OSTN: variants seen among roughly 807,000 people sequenced by gnomAD.
OSTN encodes the protein osteocrin.
In OSTN, 9 loss-of-function variants were observed where a neutral mutation model predicts 12.0. The observed-to-expected ratio is 0.75, with a 90% confidence interval of 0.45 to 1.30. The LOEUF (loss-of-function observed/expected upper bound fraction) is 1.30. OSTN is among the 50% of genes most tolerant of loss of function. The pLI, the probability that OSTN is intolerant of heterozygous loss-of-function variation, is 0.00. For missense variants in OSTN, 148 were observed against 152.3 expected, an observed-to-expected ratio of 0.97 and a Z score of 0.15; for synonymous variants, 59 against 56.9, an observed-to-expected ratio of 1.04 and a Z score of -0.16.
At position 191,212,738 on chromosome 3, in the gene OSTN, G is replaced by A. The variant is rs535465644; in HGVS notation, c.102+104G>A. The stretch of plus-strand genomic sequence containing the variant: ...ATATATTAAAATATATTTCATATAC[G>A]TAAATATAATTTATATATTTATATA... On this transcript the variant is annotated intron_variant, in intron 2 of 4. Coordinates refer to ENST00000682035, the MANE Select transcript of OSTN (RefSeq NM_198184.2). 7.6e-3 allele frequency: 1,682 copies of A among 221,906 alleles called. 9 individuals are homozygous for A. Among genetic ancestry groups the A allele is most frequent in the Non-Finnish European group, 0.011 (1,332 of 122,242 alleles). The allele number at this position is 221,906 out of a possible 1,614,324, so 13.7% of individuals were successfully genotyped here.
intron 3 of OSTN, among the ~76,000 whole-genome samples, chr3:191,233,707 T>C (rs1354560895): frequency 6.6e-6 from 1 of 152,168 alleles, no homozygotes; most frequent in Non-Finnish European, 1.5e-5. Flanking sequence ...TTAGAAGATA[T>C]TGACGGCCAG....
intron 3 of OSTN, among the ~76,000 whole-genome samples, chr3:191,224,390 A>C (rs1270927938): frequency 1.3e-5 from 2 of 151,834 alleles, no homozygotes; most frequent in Non-Finnish European, 2.9e-5. Context: ...AAAAAAAAAA[A>C]AAAAGAAACA....
At chr3:191,258,165 T>C (rs1715711530) in intron 4 of OSTN, among the ~76,000 whole-genome samples, 1 of 152,140 alleles carries the variant, frequency 6.6e-6, no homozygotes, top group Non-Finnish European at 1.5e-5. Context: ...GAAGCTTGAG[T>C]AGTCAAAGGA....
At chr3:191,246,502 A>G (rs1211017872) in intron 3 of OSTN, among the ~76,000 whole-genome samples, 2 of 151,774 alleles carry the variant, frequency 1.3e-5, no homozygotes, top group Admixed American at 6.6e-5. Flanking sequence ...GCTACTCAAG[A>G]GGCTGAGGCA....
rs1035870702 is a variant in OSTN, at chr3:191,240,490, T to G, written c.318-9547T>G. Reference sequence around the variant, plus strand: ...CTTCTCTCACGGAATCTCAGAGCACTGTGAATCTCATGGTATTAGATATCT... The same window carrying G: ...CTTCTCTCACGGAATCTCAGAGCACGGTGAATCTCATGGTATTAGATATCT... On this transcript the variant is annotated intron_variant, in intron 3 of 4. Coordinates refer to ENST00000682035, the MANE Select transcript of OSTN (RefSeq NM_198184.2). Among the ~76,000 whole-genome samples the G allele has an allele frequency of 1.2e-3, 179 of 152,362 alleles. 1 individual carries two copies. The highest frequency in any genetic ancestry group is 4.1e-3 in the African/African-American group (170 of 41,572).
chr3:191,238,253 G>A lies in OSTN; in HGVS notation c.318-11784G>A, dbSNP rs545667702. 9.2e-5 allele frequency among the ~76,000 whole-genome samples: 14 copies of A among 152,090 alleles called. No homozygotes were observed. In the East Asian group the frequency reaches 1.7e-3, roughly 19 times the overall value. ...TTTGGCCAAAGTTGAAGATACTTGCGGGGAAAAAAATCCAAGTCACAGGAG... is the reference window on the plus strand; with the variant it reads ...TTTGGCCAAAGTTGAAGATACTTGCAGGGAAAAAAATCCAAGTCACAGGAG... On this transcript the variant is annotated intron_variant, in intron 3 of 4. Transcript: ENST00000682035.
At chr3:191,219,584 A>T (rs1185396957) in intron 3 of OSTN, among the ~76,000 whole-genome samples, 1 of 152,222 alleles carries the variant, frequency 6.6e-6, no homozygotes, top group Non-Finnish European at 1.5e-5. Context: ...ACGGATTTAG[A>T]GTAGTGAAAT....
chr3:191,260,631 G>A (rs908153200), intron 4 of OSTN, among the ~76,000 whole-genome samples: 4 of 152,124 alleles, frequency 2.6e-5, no homozygotes, highest in Non-Finnish European at 4.4e-5. Context: ...CCCCGAGCTT[G>A]GGAGATTAGT....
chr3:191,220,309 T>A (rs1714730094), intron 3 of OSTN, among the ~76,000 whole-genome samples: 1 of 152,168 alleles, frequency 6.6e-6, no homozygotes, highest in East Asian at 1.9e-4. Context: ...TGAAAAATAA[T>A]CCTCTCCTAT....
At chr3:191,229,803 A>T (rs962727659) in intron 3 of OSTN, 1 of 152,162 alleles carries the variant, frequency 6.6e-6, no homozygotes, top group African/African-American at 2.4e-5. Context: ...AGTGGTTCAC[A>T]GTTGTAATCC....
At position 191,259,670 on chromosome 3, in the gene OSTN, G is replaced by C. The variant is rs73888517; in HGVS notation, c.*13-3196G>C. On this transcript the variant is annotated intron_variant, in intron 4 of 4. Transcript: ENST00000682035. Reference sequence around the variant, plus strand: ...CAGGGCCCCCTGACTGGGTATCAAAGCCAGGCGTTGATGCTGAAAGCATGG... The same window carrying C: ...CAGGGCCCCCTGACTGGGTATCAAACCCAGGCGTTGATGCTGAAAGCATGG... Among the ~76,000 whole-genome samples the C allele has an allele frequency of 4.4e-3, 667 of 151,964 alleles. 10 individuals are homozygous for C. Among genetic ancestry groups the C allele is most frequent in the African/African-American group, 0.015 (642 of 41,514 alleles).
chr3:191,212,876 T>C (rs1203830164), intron 2 of OSTN, among the ~76,000 whole-genome samples: 1 of 134,902 alleles, frequency 7.4e-6, no homozygotes, highest in African/African-American at 2.8e-5. Flanking sequence ...TCTTTTTTTT[T>C]TTTTTTTTTT....
chr3:191,252,367 G>A (rs946796734), intron 4 of OSTN, among the ~76,000 whole-genome samples: 2 of 152,150 alleles, frequency 1.3e-5, no homozygotes, highest in African/African-American at 4.8e-5. Flanking sequence ...GCTCAGCCTT[G>A]AATTTTTATA....
chr3:191,216,350 A>G (rs1320033416), intron 2 of OSTN, among the ~76,000 whole-genome samples: 1 of 152,206 alleles, frequency 6.6e-6, no homozygotes, highest in Non-Finnish European at 1.5e-5. Context: ...GACATCTGAC[A>G]TGCCATGGAG....
At chr3:191,204,054 A>G (rs1714214356) in intron 1 of OSTN, among the ~76,000 whole-genome samples, 1 of 152,014 alleles carries the variant, frequency 6.6e-6, no homozygotes, top group Non-Finnish European at 1.5e-5. Flanking sequence ...CGCCTGGCTA[A>G]TTTTTTTGTA....
intron 2 of OSTN, among the ~76,000 whole-genome samples, chr3:191,218,478 C>T (rs1714678260): frequency 6.6e-6 from 1 of 151,990 alleles, no homozygotes; most frequent in African/African-American, 2.4e-5. Flanking sequence ...AAAAAATTGG[C>T]CAGGCATGAT....
At chr3:191,242,612 CG>C (rs775113866) in intron 3 of OSTN, among the ~76,000 whole-genome samples, 3 of 151,988 alleles carry the variant, frequency 2.0e-5, no homozygotes, top group Non-Finnish European at 2.9e-5. Flanking sequence ...TCAATCTGAT[CG>C]GAACTCCTGG....
chr3:191,209,269 T>C (rs1026214247), intron 1 of OSTN, among the ~76,000 whole-genome samples: 2 of 152,182 alleles, frequency 1.3e-5, no homozygotes, highest in Non-Finnish European at 2.9e-5. Flanking sequence ...ATCAGCAAAA[T>C]CAGGAGAAAA....
At chr3:191,236,366 G>T (rs1181488095) in intron 3 of OSTN, among the ~76,000 whole-genome samples, 1 of 152,088 alleles carries the variant, frequency 6.6e-6, no homozygotes, top group African/African-American at 2.4e-5. Flanking sequence ...CCCCAAGAGA[G>T]GGTTCTTGGA....
Sources: gnomAD v4.1 joint callset for allele counts (sites outside exome capture counted in the v4.1 genomes callset) on GRCh38, gnomAD v4.1.1 for gene constraint, MANE v1.5 for transcripts, NCBI Gene and HGNC (gene_info 2026-07-23, HGNC 2026-07-21) for gene names.